The following GLYAT variants were observed in gnomAD, a reference collection of about 807,000 sequenced individuals.
GLYAT encodes the protein glycine-N-acyltransferase.
In GLYAT, 25 loss-of-function variants were observed where a neutral mutation model predicts 22.8. The observed-to-expected ratio is 1.09, with a 90% confidence interval of 0.80 to 1.53. The LOEUF (loss-of-function observed/expected upper bound fraction) is 1.53, where lower values mean the gene tolerates loss of function less well. Among genes scored for constraint, GLYAT ranks in the 40% most tolerant of loss-of-function variants. The probability of loss-of-function intolerance (pLI) is 0.00; values close to 1 mark genes in which losing one functional copy is unlikely to be tolerated. For synonymous variants in GLYAT, 140 were observed against 122.7 expected, an observed-to-expected ratio of 1.14 and a Z score of -0.93; for missense variants, 411 against 353.9, an observed-to-expected ratio of 1.16 and a Z score of -1.29.
intron 1 of GLYAT, among the ~76,000 whole-genome samples, chr11:58,725,342 C>T (rs894158999): frequency 6.6e-6 from 1 of 152,128 alleles, no homozygotes; most frequent in African/African-American, 2.4e-5. Flanking sequence ...CTAAACACTT[C>T]ATAACATCAC....
intron 2 of GLYAT, 100 bp downstream of exon 2, chr11:58,724,316 G>A (rs1362575940): frequency 1.7e-6 from 1 of 591,862 alleles, no homozygotes; most frequent in East Asian, 2.8e-5. Context: ...ATGAAATAGT[G>A]CCTGGCTCAA....
chr11:58,715,546 A>G (rs1856670074), intron 2 of GLYAT, 123 bp from the exon 3 acceptor site: 1 of 616,762 alleles, frequency 1.6e-6, no homozygotes, highest in Admixed American at 2.8e-5. Flanking sequence ...AAGTAGCCAA[A>G]TGGAGAATCT....
intron 1 of GLYAT, among the ~76,000 whole-genome samples, chr11:58,726,702 A>G (rs1190284018): frequency 2.0e-5 from 3 of 152,116 alleles, no homozygotes; most frequent in Admixed American, 1.3e-4. Flanking sequence ...TAACTGCCAT[A>G]AGGGGGCTGG....
intron 2 of GLYAT, among the ~76,000 whole-genome samples, chr11:58,718,898 AATTAT>A (rs1437075336): frequency 3.3e-5 from 5 of 152,024 alleles, no homozygotes. Flanking sequence ...ATGTATACTA[AATTAT>A]ATTATAATTA....
intron 1 of GLYAT, among the ~76,000 whole-genome samples, chr11:58,730,172 T>C (rs1369870811): frequency 2.6e-5 from 4 of 151,988 alleles, no homozygotes; most frequent in Non-Finnish European, 5.9e-5. Context: ...GAAAACAATT[T>C]AAAAGAAGAA....
chr11:58,724,426 G>T lies in GLYAT; in HGVS notation c.71C>A (p.Ala24Glu), dbSNP rs754786920. Residue 24 changes from alanine (A) to glutamate (E), a missense_variant, in exon 2 of 6, where the codon GCA (alanine) becomes GAA (glutamate). Physicochemically the swap from Ala to Glu is moderately radical, Grantham distance 107 (BLOSUM62 -1). Coordinates refer to ENST00000344743, the MANE Select transcript of GLYAT (RefSeq NM_201648.3). ...ATTTTCCATTATCACCTTTAAGGATGCTGGGAGGCTCTTCCTCAAGGATTT... is the reference window on the plus strand; with the variant it reads ...ATTTTCCATTATCACCTTTAAGGATTCTGGGAGGCTCTTCCTCAAGGATTT... ...LEKSLRKSLPASLKVYGTVFH... is the reference protein window; with the variant it reads ...LEKSLRKSLPESLKVYGTVFH... 9.4e-6 allele frequency: 15 copies of T among 1,591,772 alleles called. No homozygotes were observed. Among genetic ancestry groups the T allele is most frequent in the Non-Finnish European group, 1.2e-5 (14 of 1,161,136 alleles).
chr11:58,709,652 C>G lies in GLYAT; in HGVS notation c.*114G>C. ...TCACACTGCTTCCCCAGAGTCCAAACAGTGCCCACTCCTTTACTGCTGATT... is the reference window on the plus strand; with the variant it reads ...TCACACTGCTTCCCCAGAGTCCAAAGAGTGCCCACTCCTTTACTGCTGATT... On this transcript the variant is annotated 3_prime_UTR_variant, in exon 6 of 6. Coordinates refer to ENST00000344743, the MANE Select transcript of GLYAT (RefSeq NM_201648.3). The G allele has an allele frequency of 9.0e-7, 1 of 1,109,690 alleles. No homozygotes were observed. 68.7% of individuals were successfully genotyped at this position (1,109,690 alleles called of 1,614,324 possible). A position where few individuals can be genotyped will look rare whatever the true frequency, so the allele number is the denominator to read the frequency against.
At chr11:58,728,851 G>GAAGAAAAAAAGAAAGAAAGA (rs1554966448) in intron 1 of GLYAT, 8 of 90,718 alleles carry the variant, frequency 8.8e-5, no homozygotes, top group Admixed American at 2.6e-4. Context: ...AGGAAAGAAA[G>GAAGAAAAAAAGAAAGAAAGA]AAGAAAGAAA....
At chr11:58,723,402 G>A (rs1348145789) in intron 2 of GLYAT, among the ~76,000 whole-genome samples, 1 of 151,970 alleles carries the variant, frequency 6.6e-6, no homozygotes, top group Admixed American at 6.6e-5. Flanking sequence ...ATACTGTGTT[G>A]TTAATAAATA....
In GLYAT at chr11:58,712,766, T is replaced by TG. The variant is rs1856631522; in HGVS notation, c.309_310insC (p.Ile104HisfsTer7). On this transcript the variant is annotated frameshift_variant, in exon 4 of 6. Coordinates refer to ENST00000344743, the MANE Select transcript of GLYAT (RefSeq NM_201648.3). LOFTEE classifies it high-confidence loss of function. ...TCCCATTCCTCTTACTTACTTTGAA[T>TG]CTGTAAATGCTGTTTCCAGTTGATG... The TG allele has an allele frequency of 1.9e-6, 3 of 1,613,214 alleles. No homozygotes were observed. Among genetic ancestry groups the TG allele is most frequent in the Non-Finnish European group, 2.5e-6 (3 of 1,179,314 alleles).
intron 2 of GLYAT, among the ~76,000 whole-genome samples, chr11:58,722,888 C>T (rs1856767557): frequency 6.6e-6 from 1 of 151,964 alleles, no homozygotes; most frequent in Admixed American, 6.6e-5. Flanking sequence ...GGTTAGACAC[C>T]TCCATTAAAA....
chr11:58,719,233 A>T (rs1856720102), intron 2 of GLYAT, among the ~76,000 whole-genome samples: 1 of 152,062 alleles, frequency 6.6e-6, no homozygotes, highest in South Asian at 2.1e-4. Context: ...ACTTCAAAAA[A>T]CAGTGAAAAC....
chr11:58,712,748 C>T lies in GLYAT; in HGVS notation c.316+12G>A, dbSNP rs868606378. The stretch of plus-strand genomic sequence containing the variant: ...TAAGTGAGTCAGCACACATCCCATT[C>T]CTCTTACTTACTTTGAATCTGTAAA... On this transcript the variant is annotated intron_variant, in intron 4 of 5. Transcript: ENST00000344743. The T allele has an allele frequency of 6.2e-7, 1 of 1,611,588 alleles. No homozygotes were observed. The highest frequency in any genetic ancestry group is 8.5e-7 in the Non-Finnish European group (1 of 1,178,072).
chr11:58,716,381 T>G (rs1856680262), intron 2 of GLYAT, among the ~76,000 whole-genome samples: 1 of 8,328 alleles, frequency 1.2e-4, no homozygotes, highest in African/African-American at 1.1e-3. Context: ...ATTTCCCTCC[T>G]GCTGCCCCTA....
rs1415599104 is a variant in GLYAT at position 58,727,598 on chromosome 11, G to C, written c.-15-3087C>G. Reference sequence around the variant, plus strand: ...ACGTCTGCTTAGTGCAGACCCGAAGGTCCTTCCCACTCCCACAAGCCACCT... The same window carrying C: ...ACGTCTGCTTAGTGCAGACCCGAAGCTCCTTCCCACTCCCACAAGCCACCT... On this transcript the variant is annotated intron_variant, in intron 1 of 5. Transcript: ENST00000344743. Among the ~76,000 whole-genome samples, 2 of 152,026 alleles carry C rather than the reference G, an allele frequency of 1.3e-5. 1 individual carries two copies. Among genetic ancestry groups the C allele is most frequent in the Admixed American group, 1.3e-4 (2 of 15,252 alleles).
intron 2 of GLYAT, among the ~76,000 whole-genome samples, chr11:58,718,794 G>A (rs1206992999): frequency 2.0e-5 from 3 of 151,660 alleles, no homozygotes; most frequent in Non-Finnish European, 2.9e-5. Flanking sequence ...ATTTTCCATG[G>A]ATTAAAAAAA....
At chr11:58,723,608 T>C (rs1394386199) in intron 2 of GLYAT, among the ~76,000 whole-genome samples, 1 of 151,994 alleles carries the variant, frequency 6.6e-6, no homozygotes, top group Non-Finnish European at 1.5e-5. Context: ...ACAATACAAA[T>C]GTAAAAATAA....
intron 2 of GLYAT, among the ~76,000 whole-genome samples, chr11:58,722,894 T>G (rs986510256): frequency 2.0e-5 from 3 of 152,008 alleles, no homozygotes; most frequent in Non-Finnish European, 2.9e-5. Flanking sequence ...ACACCTCCAT[T>G]AAAAGCAACT....
At chr11:58,711,620 TA>T (rs1590666606) in intron 4 of GLYAT, among the ~76,000 whole-genome samples, 5 of 152,302 alleles carry the variant, frequency 3.3e-5, no homozygotes, top group African/African-American at 1.2e-4. Flanking sequence ...CGTAATTGTG[TA>T]GCAATTTTGA....
Sources: allele counts gnomAD v4.1 joint callset (sites outside exome capture counted in the v4.1 genomes callset), GRCh38; gene constraint gnomAD v4.1.1; transcripts MANE v1.5; gene names NCBI Gene and HGNC (gene_info 2026-07-23, HGNC 2026-07-21).